REV1: variants seen among roughly 807,000 people sequenced by gnomAD.
REV1 encodes the protein REV1 DNA directed polymerase.
A neutral mutation model predicts 137.4 loss-of-function variants in REV1; 42 were observed. That is an observed-to-expected ratio of 0.31 (90% confidence interval 0.24 to 0.40). The LOEUF is 0.40. Ranked by LOEUF, REV1 falls within the 10% of genes least tolerant of loss-of-function variation. REV1 has a pLI of 1.00. For missense variants in REV1, 1,282 were observed against 1,490.1 expected (o/e 0.86, Z 2.30); for synonymous variants, 524 against 519.2 (o/e 1.01, Z -0.12).
intron 22 of REV1, 147 bp downstream of exon 22, chr2:99,402,097 C>T: frequency 3.7e-6 from 2 of 535,876 alleles, no homozygotes; most frequent in East Asian, 3.4e-5. Flanking sequence ...TTATTTGCTA[C>T]TTAGTCAACA....
chr2:99,401,504 T>C (rs1675404923), intron 22 of REV1, 152 bp from the exon 23 acceptor site: 1 of 497,998 alleles, frequency 2.0e-6, no homozygotes, highest in East Asian at 3.3e-5. Flanking sequence ...CCCAGCACTT[T>C]GGGAGGCCGA....
At chr2:99,421,432 T>G in intron 11 of REV1, 67 bp downstream of exon 11, 2 of 1,470,208 alleles carry the variant, frequency 1.4e-6, no homozygotes, top group South Asian at 1.4e-5. Flanking sequence ...AAAAACTCCA[T>G]AAAATTAACT....
At chr2:99,404,396 G>A (rs1477957365) in intron 18 of REV1, 48 bp downstream of exon 18, 1 of 1,485,190 alleles carries the variant, frequency 6.7e-7, no homozygotes, top group Admixed American at 1.7e-5. Flanking sequence ...TGGAGCAGGG[G>A]GGTGAGAATA....
chr2:99,455,486 C>A (rs1156272497), intron 3 of REV1, among the ~76,000 whole-genome samples: 1 of 152,136 alleles, frequency 6.6e-6, no homozygotes, highest in Non-Finnish European at 1.5e-5. Flanking sequence ...AGAAAAGTTT[C>A]AAATGCTTAG....
In REV1 at chr2:99,489,416, G is replaced by A. The variant is rs571830207; in HGVS notation, c.-11+401C>T. On this transcript the variant is annotated intron_variant, in intron 1 of 22. Coordinates refer to ENST00000258428, the MANE Select transcript of REV1 (RefSeq NM_016316.4). ...ATGGCGCGGAACTGAATGGCCGGCC[G>A]AGGCGCCGGCGCAGGAGGAAGGAGT... Among the ~76,000 whole-genome samples the A allele has an allele frequency of 7.9e-5, 12 of 152,014 alleles. No individual in the cohort carries two copies. In the East Asian group the frequency reaches 2.1e-3, roughly 27 times the overall value.
At chr2:99,483,011 C>T (rs571731915) in intron 1 of REV1, among the ~76,000 whole-genome samples, 1 of 139,856 alleles carries the variant, frequency 7.2e-6, no homozygotes. Flanking sequence ...GGGCAAAACT[C>T]CGTTTCAAAA....
chr2:99,475,272 T>C (rs746534994), intron 1 of REV1, among the ~76,000 whole-genome samples: 1 of 152,170 alleles, frequency 6.6e-6, no homozygotes, highest in Non-Finnish European at 1.5e-5. Context: ...TCCGATTGGC[T>C]AGCAACTTAG....
intron 3 of REV1, among the ~76,000 whole-genome samples, chr2:99,455,276 T>C (rs535094524): frequency 1.3e-3 from 192 of 152,312 alleles, no homozygotes; most frequent in Non-Finnish European, 2.1e-3. Flanking sequence ...ATCTTATGAA[T>C]TAGAAAAGAT....
intron 10 of REV1, among the ~76,000 whole-genome samples, chr2:99,423,574 T>G (rs544240944): frequency 1.8e-4 from 28 of 152,326 alleles, no homozygotes; most frequent in African/African-American, 5.3e-4. Context: ...ATGGAATATA[T>G]CTACACTTTT....
intron 4 of REV1, among the ~76,000 whole-genome samples, chr2:99,444,862 C>T (rs13416265): frequency 0.16 from 24,838 of 151,968 alleles, 2,588 homozygotes; most frequent in African/African-American, 0.28. Context: ...TTGTTCTAAG[C>T]GCAAAGGAAC....
In REV1 at chr2:99,442,352, A is replaced by G. The variant is rs751254046; in HGVS notation, c.468T>C (p.Gly156=). ...PVCRPEDPLP[G]PSNIAKQLNN... ...TGAGCTGTTTGGCTATATTGCTTGGACCTGGCAGAGGATCCTCAGGTCTGC... is the reference window on the plus strand; with the variant it reads ...TGAGCTGTTTGGCTATATTGCTTGGGCCTGGCAGAGGATCCTCAGGTCTGC... The change falls in exon 5 of 23, where the codon GGT becomes GGC. Residue 156 remains glycine, a synonymous_variant. Transcript: ENST00000258428. 7.5e-6 allele frequency: 12 copies of G among 1,610,474 alleles called. No homozygotes were observed. The highest frequency in any genetic ancestry group is 2.7e-5 in the African/African-American group (2 of 74,420).
intron 21 of REV1, 136 bp from the exon 22 acceptor site, chr2:99,402,482 T>G: frequency 1.2e-6 from 1 of 858,712 alleles, no homozygotes; most frequent in East Asian, 2.6e-5. Context: ...TTTGTTACTT[T>G]TCAAAGCAAG....
rs1676708950 is a variant in REV1 at position 99,408,890 on chromosome 2, C to T, written c.2346-759G>A. ...TATAATGAACAAATGAAGTTCCAGG[C>T]CATTAAACAAGAAATATTCCCAGAA... On this transcript the variant is annotated intron_variant, in intron 14 of 22. Transcript: ENST00000258428. Among the ~76,000 whole-genome samples, 3 of 152,270 alleles carry T rather than the reference C, an allele frequency of 2.0e-5. No individual in the cohort carries two copies. In the South Asian group the frequency reaches 6.2e-4, roughly 32 times the overall value.
At chr2:99,406,584 C>T (rs1465836149) in intron 15 of REV1, 94 bp from the exon 16 acceptor site, 44 of 938,266 alleles carry the variant, frequency 4.7e-5, no homozygotes, top group Non-Finnish European at 6.2e-5. Flanking sequence ...TTTTCACTAT[C>T]TCCTGGATCC....
At chr2:99,459,145 T>C (rs1331561090) in intron 3 of REV1, among the ~76,000 whole-genome samples, 1 of 151,658 alleles carries the variant, frequency 6.6e-6, no homozygotes, top group Non-Finnish European at 1.5e-5. Flanking sequence ...GAGGCAGAGC[T>C]TGCAGTGAGC....
chr2:99,454,576 A>AAAAAAAAAAAAAAAAAAAAAAAAAAC (rs1683319760), intron 3 of REV1, among the ~76,000 whole-genome samples: 1 of 143,042 alleles, frequency 7.0e-6, no homozygotes, highest in African/African-American at 2.6e-5. Context: ...AAAAAAAAAA[A>AAAAAAAAAAAAAAAAAAAAAAAAAAC]AAAAAAAAAA....
intron 3 of REV1, among the ~76,000 whole-genome samples, chr2:99,453,274 G>A (rs983640026): frequency 6.6e-5 from 10 of 151,074 alleles, no homozygotes; most frequent in East Asian, 3.9e-4. Flanking sequence ...CAGCAGAATC[G>A]CTTGAACCCA....
At chr2:99,412,271 A>C (rs1047680667) in intron 13 of REV1, among the ~76,000 whole-genome samples, 9 of 151,298 alleles carry the variant, frequency 5.9e-5, no homozygotes, top group African/African-American at 1.2e-4. Flanking sequence ...AAAAAAAAAA[A>C]AAAAAAAAAA....
At position 99,438,750 on chromosome 2, in the gene REV1, T is replaced by A. The variant is rs958081517; in HGVS notation, c.1064A>T (p.His355Leu). 1 of 1,613,944 alleles carries A rather than the reference T, an allele frequency of 6.2e-7. No homozygotes were observed. Among genetic ancestry groups the A allele is most frequent in the African/African-American group, 1.3e-5 (1 of 74,936 alleles). The change falls in exon 6 of 23, where the codon CAT (histidine) becomes CTT (leucine). Residue 355 changes from histidine (H) to leucine (L), a missense_variant. By Grantham distance (99) the His-to-Leu change is moderately conservative. Around this residue, in one of 7 missense-constraint regions of REV1, gnomAD observed 432 missense variants for 438.0 expected, o/e 0.99. Coordinates refer to ENST00000258428, the MANE Select transcript of REV1 (RefSeq NM_016316.4). ...CATTGATATGTGATGCAGTCTTGAA[T>A]GAGAATAGAAGTTTGAAATAAAATT... Reference protein sequence around the residue: ...DCNFISNFYSHSRLHHISMWK... With the variant: ...DCNFISNFYSLSRLHHISMWK...
Sources: gnomAD v4.1 joint callset for allele counts (sites outside exome capture counted in the v4.1 genomes callset) on GRCh38, gnomAD v4.1.1 for gene constraint, gnomAD v4.1.1 regional missense constraint, MANE v1.5 for transcripts, NCBI Gene and HGNC (gene_info 2026-07-23, HGNC 2026-07-21) for gene names.